The following MACROD2 variants were observed in gnomAD, a reference collection of about 807,000 sequenced individuals.
The protein encoded by MACROD2 is ADP-ribose glycohydrolase MACROD2.
A neutral mutation model predicts 70.4 loss-of-function variants in MACROD2; 36 were observed. The ratio of observed to expected loss-of-function variants is 0.51; its 90% CI spans 0.39 to 0.68. The LOEUF (loss-of-function observed/expected upper bound fraction) is 0.68. Ranked by LOEUF, MACROD2 falls within the 30% of genes least tolerant of loss-of-function variation. The pLI is 0.00. For missense variants in MACROD2, 496 were observed against 538.4 expected, an observed-to-expected ratio of 0.92 and a Z score of 0.78; for synonymous variants, 172 against 178.8, an observed-to-expected ratio of 0.96 and a Z score of 0.30.
chr20:14,996,666 C>T (rs538955569), intron 5 of MACROD2, among the ~76,000 whole-genome samples: 14 of 152,236 alleles, frequency 9.2e-5, no homozygotes, highest in Admixed American at 3.9e-4. Context: ...GGCTGCTTGG[C>T]GCAGAGAGAT....
chr20:14,479,938 G>A (rs780339988), intron 3 of MACROD2, among the ~76,000 whole-genome samples: 6 of 152,180 alleles, frequency 3.9e-5, no homozygotes, highest in Non-Finnish European at 8.8e-5. Flanking sequence ...GTTCAATGGC[G>A]CAATCATAGC....
chr20:14,833,742 A>G (rs890477768), intron 5 of MACROD2, among the ~76,000 whole-genome samples: 1 of 152,092 alleles, frequency 6.6e-6, no homozygotes, highest in Non-Finnish European at 1.5e-5. Flanking sequence ...TTGAAATGCT[A>G]GTGGAAAATG....
chr20:15,539,156 C>T (rs1432997937), intron 8 of MACROD2, among the ~76,000 whole-genome samples: 2 of 152,100 alleles, frequency 1.3e-5, no homozygotes, highest in Non-Finnish European at 2.9e-5. Flanking sequence ...CCAACAAATA[C>T]AATGATAAAT....
intron 4 of MACROD2, among the ~76,000 whole-genome samples, chr20:14,670,006 G>A (rs576719958): frequency 4.6e-5 from 7 of 152,092 alleles, no homozygotes; most frequent in African/African-American, 1.4e-4. Context: ...ATGGAGGAAC[G>A]AGGATGCTCT....
At chr20:15,689,573 G>A (rs911254001) in intron 8 of MACROD2, among the ~76,000 whole-genome samples, 11 of 152,266 alleles carry the variant, frequency 7.2e-5, no homozygotes, top group African/African-American at 2.4e-4. Context: ...TCAGAGGGAA[G>A]CATTCAGGCA....
intron 8 of MACROD2, among the ~76,000 whole-genome samples, chr20:15,590,742 A>C (rs1480414443): frequency 6.6e-6 from 1 of 151,884 alleles, no homozygotes; most frequent in Non-Finnish European, 1.5e-5. Context: ...AGCCAGGCGT[A>C]GTGTTGCATG....
At chr20:14,392,983 G>A (rs1163769246) in intron 3 of MACROD2, among the ~76,000 whole-genome samples, 1 of 152,046 alleles carries the variant, frequency 6.6e-6, no homozygotes, top group Non-Finnish European at 1.5e-5. Context: ...AATACTAAAG[G>A]CTTCACTGAC....
chr20:15,455,698 G>T (rs1369210759), intron 7 of MACROD2, among the ~76,000 whole-genome samples: 1 of 152,102 alleles, frequency 6.6e-6, no homozygotes, highest in South Asian at 2.1e-4. Context: ...GAAATTTGAT[G>T]ATTTTGAAGA....
intron 3 of MACROD2, among the ~76,000 whole-genome samples, chr20:14,416,559 A>G (rs1376365631): frequency 6.6e-6 from 1 of 152,214 alleles, no homozygotes; most frequent in African/African-American, 2.4e-5. Flanking sequence ...TGCATAAGAA[A>G]AAAGAGTCTC....
intron 11 of MACROD2, among the ~76,000 whole-genome samples, chr20:15,933,906 G>A (rs1482931066): frequency 6.6e-6 from 1 of 152,054 alleles, no homozygotes; most frequent in East Asian, 1.9e-4. Flanking sequence ...GGACAGATGT[G>A]TCCATTGAAA....
intron 5 of MACROD2, among the ~76,000 whole-genome samples, chr20:14,860,617 A>C (rs1175868146): frequency 6.6e-6 from 1 of 152,080 alleles, no homozygotes; most frequent in Admixed American, 6.5e-5. Flanking sequence ...GGCCCCTTTG[A>C]TGCTTTTCAG....
At chr20:15,323,696 G>A (rs941090865) in intron 6 of MACROD2, among the ~76,000 whole-genome samples, 1 of 152,090 alleles carries the variant, frequency 6.6e-6, no homozygotes, top group Non-Finnish European at 1.5e-5. Flanking sequence ...AAATCTGGTT[G>A]ATTCTACTTC....
At chr20:15,555,681 A>T (rs1324180378) in intron 8 of MACROD2, among the ~76,000 whole-genome samples, 1 of 151,842 alleles carries the variant, frequency 6.6e-6, no homozygotes, top group Non-Finnish European at 1.5e-5. Flanking sequence ...TCTCTACTAA[A>T]ATACAAAAAA....
At chr20:15,882,117 T>G (rs2064762997) in intron 9 of MACROD2, among the ~76,000 whole-genome samples, 1 of 152,092 alleles carries the variant, frequency 6.6e-6, no homozygotes, top group Non-Finnish European at 1.5e-5. Flanking sequence ...TAACTTCCCC[T>G]TTGCCCTCTG....
At chr20:15,738,669 A>G (rs1035565494) in intron 8 of MACROD2, among the ~76,000 whole-genome samples, 10 of 152,304 alleles carry the variant, frequency 6.6e-5, no homozygotes, top group African/African-American at 2.4e-4. Context: ...TCAGAAACAG[A>G]AATGAAGACA....
At chr20:14,471,073 C>T (rs745489880) in intron 3 of MACROD2, among the ~76,000 whole-genome samples, 7 of 152,212 alleles carry the variant, frequency 4.6e-5, no homozygotes, top group African/African-American at 7.2e-5. Context: ...AGGGAATCTC[C>T]TGGTCTGTGG....
At chr20:15,001,943 G>A (rs2074998482) in intron 5 of MACROD2, among the ~76,000 whole-genome samples, 1 of 147,486 alleles carries the variant, frequency 6.8e-6, no homozygotes, top group South Asian at 2.1e-4. Flanking sequence ...GCGTGTGCAT[G>A]CCCACACACA....
chr20:14,331,337 C>T (rs139560933), intron 3 of MACROD2, among the ~76,000 whole-genome samples: 101 of 152,100 alleles, frequency 6.6e-4, no homozygotes, highest in Admixed American at 4.1e-3. Context: ...TGTGAAAAGA[C>T]GGAAGATTAA....
chr20:15,878,534 G>T (rs992543734), intron 9 of MACROD2, among the ~76,000 whole-genome samples: 3 of 152,058 alleles, frequency 2.0e-5, no homozygotes, highest in Non-Finnish European at 4.4e-5. Context: ...AAGTTCTACG[G>T]GGTTTTCTTT....
Sources: allele counts gnomAD v4.1 joint callset (sites outside exome capture counted in the v4.1 genomes callset), GRCh38; gene constraint gnomAD v4.1.1; transcripts MANE v1.5; gene names NCBI Gene and HGNC (gene_info 2026-07-23, HGNC 2026-07-21).